NINL: variants seen among roughly 807,000 people sequenced by gnomAD.
The protein encoded by NINL is ninein-like protein.
NINL carries 153 observed loss-of-function variants against 160.3 expected under a neutral mutation model. The ratio of observed to expected loss-of-function variants is 0.95; its 90% CI spans 0.84 to 1.09. The LOEUF (loss-of-function observed/expected upper bound fraction) is 1.09, where lower values mean the gene tolerates loss of function less well. Ranked by LOEUF, NINL falls within the 50% of genes least tolerant of loss-of-function variation. NINL has a pLI of 0.00. For missense variants in NINL, 1,829 were observed against 1,764.0 expected (o/e 1.04, Z -0.66); for synonymous variants, 800 against 734.8 (o/e 1.09, Z -1.43).
At chr20:25,491,128 G>A (rs1017973511) in intron 11 of NINL, among the ~76,000 whole-genome samples, 1 of 152,220 alleles carries the variant, frequency 6.6e-6, no homozygotes, top group African/African-American at 2.4e-5. Context: ...TGGGAGTGGT[G>A]GGGAAGGAGG....
At chr20:25,556,885 C>T (rs1240043933) in intron 1 of NINL, among the ~76,000 whole-genome samples, 1 of 152,096 alleles carries the variant, frequency 6.6e-6, no homozygotes, top group African/African-American at 2.4e-5. Context: ...GAATACAGAA[C>T]ACAACTACTA....
chr20:25,539,057 A>G (rs949470819), intron 1 of NINL, among the ~76,000 whole-genome samples: 1 of 152,288 alleles, frequency 6.6e-6, no homozygotes, highest in South Asian at 2.1e-4. Context: ...ACCAAAACGT[A>G]CACTAACATG....
At chr20:25,581,517 C>T (rs2147211405) in intron 1 of NINL, among the ~76,000 whole-genome samples, 2 of 151,864 alleles carry the variant, frequency 1.3e-5, no homozygotes, top group Non-Finnish European at 2.9e-5. Context: ...CGCTCACATG[C>T]TCTAAGTCTC....
intron 1 of NINL, among the ~76,000 whole-genome samples, chr20:25,581,111 G>C (rs1466367543): frequency 6.6e-6 from 1 of 152,192 alleles, no homozygotes; most frequent in African/African-American, 2.4e-5. Flanking sequence ...TGCCAGGAAA[G>C]AGGAAAGCTA....
chr20:25,461,599 A>G lies in NINL; in HGVS notation c.3619T>C (p.Cys1207Arg). 1.2e-6 allele frequency: 2 copies of G among 1,612,108 alleles called. No individual in the cohort carries two copies. Among genetic ancestry groups the G allele is most frequent in the Non-Finnish European group, 1.7e-6 (2 of 1,179,318 alleles). ...AGGCTCTGATGTTCCTGATTCAGGC[A>G]TTCAAGTTCAACTCTAAGTTTTTGG... ...QIQKLRVELE[C>R]LNQEHQSLQL... is the part of the protein sequence containing the mutation. The change falls in exon 21 of 24, where the codon TGC (cysteine) becomes CGC (arginine). Residue 1207 changes from cysteine to arginine, a missense_variant. Transcript: ENST00000278886.
intron 10 of NINL, 56 bp downstream of exon 10, chr20:25,496,607 C>T: frequency 6.3e-7 from 1 of 1,598,664 alleles, no homozygotes; most frequent in Non-Finnish European, 8.5e-7. Flanking sequence ...ACTACCTGCC[C>T]TCAAAGGGGC....
intron 16 of NINL, among the ~76,000 whole-genome samples, chr20:25,477,481 G>A (rs1008258396): frequency 6.6e-6 from 1 of 152,350 alleles, no homozygotes; most frequent in South Asian, 2.1e-4. Context: ...GGTTCTACAC[G>A]ATAGCGCTGG....
intron 19 of NINL, among the ~76,000 whole-genome samples, chr20:25,465,576 G>C (rs1471180745): frequency 2.0e-5 from 3 of 152,052 alleles, no homozygotes; most frequent in Admixed American, 2.0e-4. Context: ...CAAGCAGAAG[G>C]GGTCCCCGAC....
intron 1 of NINL, among the ~76,000 whole-genome samples, chr20:25,552,878 C>T (rs544300276): frequency 5.3e-5 from 8 of 152,310 alleles, no homozygotes; most frequent in African/African-American, 1.4e-4. Flanking sequence ...GTAAACACAC[C>T]GGGTTACTCA....
intron 10 of NINL, among the ~76,000 whole-genome samples, chr20:25,493,709 T>C (rs536537784): frequency 6.0e-4 from 92 of 152,100 alleles, no homozygotes; most frequent in Non-Finnish European, 1.1e-3. Context: ...GCTACAAGGC[T>C]GGCCCAGAAT....
At position 25,566,787 on chromosome 20, in the gene NINL, C is replaced by T. The variant is rs115150318; in HGVS notation, c.-12+18668G>A. Among the ~76,000 whole-genome samples, 1,241 of 151,362 alleles carry T rather than the reference C, an allele frequency of 8.2e-3. 18 individuals are homozygous for T. The highest frequency in any genetic ancestry group is 0.026 in the African/African-American group (1,066 of 40,972). ...CCAACCTAGGTGACACAGCAAGACC[C>T]ATCTCTAAAACAAACAAACAACAAC... On this transcript the variant is annotated intron_variant, in intron 1 of 23. Transcript: ENST00000278886.
At chr20:25,489,092 T>C in intron 13 of NINL, 152 bp downstream of exon 13, 2 of 735,236 alleles carry the variant, frequency 2.7e-6, no homozygotes, top group Non-Finnish European at 4.7e-6. Flanking sequence ...CAGGGAACCC[T>C]AAGTCTAGGA....
intron 17 of NINL, among the ~76,000 whole-genome samples, chr20:25,473,237 G>A (rs939271755): frequency 6.6e-6 from 1 of 152,114 alleles, no homozygotes; most frequent in African/African-American, 2.4e-5. Context: ...TGGTAACACA[G>A]ACGTGTTCAA....
At chr20:25,540,935 C>CTT (rs33981300) in intron 1 of NINL, among the ~76,000 whole-genome samples, 48,438 of 148,014 alleles carry the variant, frequency 0.33, 9,101 homozygotes, top group Non-Finnish European at 0.44. Flanking sequence ...AAAGCTATCC[C>CTT]TTTTTTTTTT....
intron 6 of NINL, 125 bp from the exon 7 acceptor site, chr20:25,504,229 T>C (rs2063921036): frequency 4.9e-6 from 5 of 1,013,162 alleles, no homozygotes; most frequent in Admixed American, 5.2e-5. Context: ...CCTAGTCTTA[T>C]CCAGCCTTAA....
intron 13 of NINL, among the ~76,000 whole-genome samples, chr20:25,486,723 A>G (rs446649): frequency 0.47 from 71,728 of 152,106 alleles, 17,611 homozygotes; most frequent in East Asian, 0.92. Flanking sequence ...CACTGAGAAC[A>G]CAAGCTTGGG....
intron 1 of NINL, among the ~76,000 whole-genome samples, chr20:25,579,840 C>G (rs1290085359): frequency 6.6e-6 from 1 of 152,222 alleles, no homozygotes; most frequent in Non-Finnish European, 1.5e-5. Context: ...TTAAGCCAGA[C>G]TGAGTTGGGT....
At chr20:25,466,488 A>T (rs1284169017) in intron 19 of NINL, among the ~76,000 whole-genome samples, 1 of 152,180 alleles carries the variant, frequency 6.6e-6, no homozygotes, top group African/African-American at 2.4e-5. Flanking sequence ...TCCTGTGTTT[A>T]AAGTTTTTCA....
Position 25,458,385 on chromosome 20 carries a change from G to T in NINL, c.3841C>A (p.Arg1281=). The T allele has an allele frequency of 1.2e-6, 2 of 1,606,020 alleles. No homozygotes were observed. The highest frequency in any genetic ancestry group is 8.5e-7 in the Non-Finnish European group (1 of 1,179,948). The change falls in exon 22 of 24, where the codon CGG becomes AGG. Residue 1281 remains arginine (R), a splice_region_variant and synonymous_variant. Transcript: ENST00000278886. The part of the protein sequence containing the change: ...EQARRRLDAQ[R]EEHEKQLKAT... Reference sequence around the variant, plus strand: ...TCTCTCGCTGCATCCCCACTTACCCGCTGTGCATCCAGGCGCCTCCTGGCC... The same window carrying T: ...TCTCTCGCTGCATCCCCACTTACCCTCTGTGCATCCAGGCGCCTCCTGGCC...
Sources: allele counts gnomAD v4.1 joint callset (sites outside exome capture counted in the v4.1 genomes callset), GRCh38; gene constraint gnomAD v4.1.1; transcripts MANE v1.5; gene names NCBI Gene and HGNC (gene_info 2026-07-23, HGNC 2026-07-21).